Variants in NRG1 observed in about 807,000 individuals in gnomAD.
NRG1 encodes the protein neuregulin 1.
Under a neutral mutation model 63.8 loss-of-function variants are expected in NRG1, and 18 were observed. That is an observed-to-expected ratio of 0.28 (90% CI 0.19 to 0.42). The LOEUF (loss-of-function observed/expected upper bound fraction) is 0.42. NRG1 is among the 10% of genes least tolerant of loss of function. NRG1 has a pLI of 1.00. For missense variants in NRG1, 762 were observed against 814.7 expected, an observed-to-expected ratio of 0.94 and a Z score of 0.79; for synonymous variants, 302 against 301.3, an observed-to-expected ratio of 1.00 and a Z score of -0.02.
chr8:32,038,774 C>T (rs1031988627), intron 1 of NRG1, among the ~76,000 whole-genome samples: 4 of 152,010 alleles, frequency 2.6e-5, no homozygotes, highest in Non-Finnish European at 5.9e-5. Context: ...AGCAGTCAGG[C>T]TTGCAGAGAG....
At chr8:32,223,483 C>A (rs140287874) in intron 1 of NRG1, among the ~76,000 whole-genome samples, 1 of 152,246 alleles carries the variant, frequency 6.6e-6, no homozygotes, top group African/African-American at 2.4e-5. Context: ...AGTCATTTAA[C>A]CCCTCTGAAC....
chr8:32,550,665 C>T (rs568219595), intron 1 of NRG1, among the ~76,000 whole-genome samples: 1 of 152,306 alleles, frequency 6.6e-6, no homozygotes, highest in East Asian at 1.9e-4. Context: ...TCTGTGCCCT[C>T]CAGATCTCAT....
chr8:31,879,935 A>G (rs940998934), intron 1 of NRG1, among the ~76,000 whole-genome samples: 3 of 152,212 alleles, frequency 2.0e-5, no homozygotes, highest in African/African-American at 7.2e-5. Flanking sequence ...TATATGTACC[A>G]CATGTTCTTT....
exon 1 of NRG1, chr8:32,548,736 C>G: frequency 1.3e-6 from 2 of 1,584,424 alleles, no homozygotes; most frequent in East Asian, 2.3e-5. Flanking sequence ...GATGTCCGAG[C>G]GCAAAGAAGG....
intron 1 of NRG1, among the ~76,000 whole-genome samples, chr8:31,737,267 G>T (rs1464841285): frequency 6.6e-6 from 1 of 151,950 alleles, no homozygotes; most frequent in Non-Finnish European, 1.5e-5. Context: ...ACTTCTCCTA[G>T]GATTTTTCCC....
intron 8 of NRG1, 139 bp from the exon 9 acceptor site, chr8:32,756,264 T>G (rs984857214): frequency 4.7e-6 from 4 of 855,964 alleles, no homozygotes; most frequent in Non-Finnish European, 6.9e-6. Flanking sequence ...TGGGATACAG[T>G]GGACATACTC....
At chr8:31,949,102 A>G (rs1244628609) in intron 1 of NRG1, among the ~76,000 whole-genome samples, 1 of 152,254 alleles carries the variant, frequency 6.6e-6, no homozygotes, top group African/African-American at 2.4e-5. Flanking sequence ...AGTTTTATCA[A>G]AGATGATGAT....
intron 6 of NRG1, among the ~76,000 whole-genome samples, chr8:32,736,047 G>A (rs1824972136): frequency 6.6e-6 from 1 of 151,756 alleles, no homozygotes; most frequent in Admixed American, 6.6e-5. Context: ...TCTGAACAGT[G>A]GTGGTGAGAT....
intron 1 of NRG1, among the ~76,000 whole-genome samples, chr8:32,309,306 G>A (rs954326839): frequency 3.3e-5 from 5 of 151,988 alleles, no homozygotes; most frequent in Non-Finnish European, 7.4e-5. Flanking sequence ...TGTGCCTGTG[G>A]TTTTACACCC....
chr8:32,524,429 T>A (rs190225573), intron 1 of NRG1, among the ~76,000 whole-genome samples: 3 of 152,286 alleles, frequency 2.0e-5, no homozygotes, highest in African/African-American at 7.2e-5. Context: ...CATCTTTTTC[T>A]CTCTTGGTTC....
At chr8:32,688,886 C>T (rs1043918761) in intron 5 of NRG1, among the ~76,000 whole-genome samples, 1 of 152,122 alleles carries the variant, frequency 6.6e-6, no homozygotes, top group African/African-American at 2.4e-5. Context: ...ATCTATTAGG[C>T]ATTTGAAATG....
At chr8:32,195,799 T>TATAA (rs1842894791) in intron 1 of NRG1, among the ~76,000 whole-genome samples, 1 of 151,252 alleles carries the variant, frequency 6.6e-6, no homozygotes, top group Non-Finnish European at 1.5e-5. Context: ...TGTTTGGAAG[T>TATAA]CAGGGAATTG....
chr8:32,159,920 C>T (rs1212635236), intron 1 of NRG1, among the ~76,000 whole-genome samples: 1 of 152,132 alleles, frequency 6.6e-6, no homozygotes, highest in Non-Finnish European at 1.5e-5. Flanking sequence ...ATTAGGTATT[C>T]TGAGTCAATT....
At chr8:32,490,129 C>A (rs973918935) in intron 1 of NRG1, among the ~76,000 whole-genome samples, 7 of 152,222 alleles carry the variant, frequency 4.6e-5, no homozygotes, top group Non-Finnish European at 8.8e-5. Context: ...CATAGTGAGA[C>A]CCCATCTCTA....
At chr8:32,483,136 T>C (rs916769389) in intron 1 of NRG1, among the ~76,000 whole-genome samples, 9 of 152,242 alleles carry the variant, frequency 5.9e-5, no homozygotes, top group African/African-American at 1.9e-4. Flanking sequence ...TGTGTGTTGA[T>C]TGGGGAGATG....
chr8:32,509,049 C>A (rs1281665753), intron 1 of NRG1, among the ~76,000 whole-genome samples: 5 of 150,430 alleles, frequency 3.3e-5, no homozygotes, highest in Non-Finnish European at 7.4e-5. Flanking sequence ...CTTGTGTATA[C>A]TTTGAATTGT....
chr8:31,649,080 T>C lies in NRG1; in HGVS notation c.37+9649T>C, dbSNP rs151096520. On this transcript the variant is annotated intron_variant, in intron 1 of 10. Transcript: ENST00000519301. Reference sequence around the variant, plus strand: ...TTCAAGTGATTCTCCTGCCTCAGCCTCCTGAATAGCTGGGAGTACAGGTGC... The same window carrying C: ...TTCAAGTGATTCTCCTGCCTCAGCCCCCTGAATAGCTGGGAGTACAGGTGC... Among the ~76,000 whole-genome samples, 379 of 152,106 alleles carry C rather than the reference T, an allele frequency of 2.5e-3. 3 individuals carry two copies. Among genetic ancestry groups the C allele is most frequent in the African/African-American group, 8.9e-3 (368 of 41,492 alleles).
At chr8:32,506,067 T>G (rs1348589632) in intron 1 of NRG1, among the ~76,000 whole-genome samples, 5 of 151,930 alleles carry the variant, frequency 3.3e-5, no homozygotes, top group Admixed American at 1.3e-4. Flanking sequence ...CTGGGCAAGA[T>G]AGCAAGACCC....
At chr8:32,054,863 CTTTTTTTTTTTTTTTTTTTTTTTTTT>C (rs543522972) in intron 1 of NRG1, among the ~76,000 whole-genome samples, 2,149 of 64,018 alleles carry the variant, frequency 0.034, 61 homozygotes, top group African/African-American at 0.1. Context: ...TTCTTTCTTT[CTTTTTTTTTTTTTTTTTTTTTTTTTT>C]TTTTTTTTTT....
Sources: allele counts gnomAD v4.1 joint callset (sites outside exome capture counted in the v4.1 genomes callset), GRCh38; gene constraint gnomAD v4.1.1; transcripts MANE v1.5; gene names NCBI Gene and HGNC (gene_info 2026-07-23, HGNC 2026-07-21).